Variants in PRKG1 observed in about 807,000 individuals in gnomAD.
PRKG1 encodes the protein cGMP-dependent protein kinase 1.
Under a neutral mutation model 88.1 loss-of-function variants are expected in PRKG1, and 35 were observed. That is an observed-to-expected ratio of 0.40 (90% CI 0.30 to 0.53). The LOEUF (loss-of-function observed/expected upper bound fraction) is 0.53, where lower values mean the gene tolerates loss of function less well. PRKG1 is among the 20% of genes least tolerant of loss of function. The pLI is 0.59. For synonymous variants in PRKG1, 303 were observed against 292.5 expected, an observed-to-expected ratio of 1.04 and a Z score of -0.37; for missense variants, 540 against 839.8, an observed-to-expected ratio of 0.64 and a Z score of 4.41.
chr10:51,209,305 C>T (rs1354014155), intron 2 of PRKG1, among the ~76,000 whole-genome samples: 1 of 152,152 alleles, frequency 6.6e-6, no homozygotes, highest in Admixed American at 6.6e-5. Context: ...AACTGACAAC[C>T]TCATCCAGTC....
In PRKG1 at chr10:51,074,665, C is replaced by A. The variant is rs776048746; in HGVS notation, c.75C>A (p.Ile25=). The A allele has an allele frequency of 1.4e-5, 22 of 1,613,956 alleles. 1 individual carries two copies. Among genetic ancestry groups the A allele is most frequent in the Middle Eastern group, 3.3e-4 (2 of 6,078 alleles). ...IEELRQRDAL[I]DELELELDQK... ...AGCTGAGGCAGCGGGATGCTCTCAT[C>A]GACGAGCTGGAGCTGGAGTTGGATC... is the stretch of plus-strand genomic sequence containing the variant. Residue 25 remains isoleucine (I), a synonymous_variant, in exon 1 of 18, where the codon ATC becomes ATA. Transcript: ENST00000373980.
At chr10:52,117,855 A>T (rs1055516910) in intron 7 of PRKG1, among the ~76,000 whole-genome samples, 1 of 152,030 alleles carries the variant, frequency 6.6e-6, no homozygotes, top group African/African-American at 2.4e-5. Context: ...ACATGGTTCT[A>T]TACCATGGCC....
chr10:52,174,691 T>G (rs1838808927), intron 9 of PRKG1, among the ~76,000 whole-genome samples: 1 of 151,968 alleles, frequency 6.6e-6, no homozygotes, highest in African/African-American at 2.4e-5. Flanking sequence ...TCATAAAAAT[T>G]AAGTAAAAAT....
At chr10:51,437,164 A>G (rs1564494429) in intron 2 of PRKG1, among the ~76,000 whole-genome samples, 1 of 152,018 alleles carries the variant, frequency 6.6e-6, no homozygotes, top group Non-Finnish European at 1.5e-5. Flanking sequence ...CATGGATTAA[A>G]TTAATGTAGT....
At chr10:52,259,632 C>T (rs1272350355) in intron 10 of PRKG1, among the ~76,000 whole-genome samples, 3 of 152,014 alleles carry the variant, frequency 2.0e-5, no homozygotes, top group African/African-American at 7.2e-5. Context: ...CTTTTGTGGG[C>T]CAGGTAGTTT....
At chr10:51,494,837 T>G (rs892572947) in intron 3 of PRKG1, among the ~76,000 whole-genome samples, 1 of 152,208 alleles carries the variant, frequency 6.6e-6, no homozygotes, top group Non-Finnish European at 1.5e-5. Flanking sequence ...ATTATGCTAT[T>G]TATTCTGTTC....
chr10:52,036,596 T>A (rs1438452195), intron 5 of PRKG1, among the ~76,000 whole-genome samples: 2 of 151,320 alleles, frequency 1.3e-5, no homozygotes, highest in East Asian at 3.9e-4. Flanking sequence ...AGTAGAGGTA[T>A]CTTATACTTG....
At chr10:51,701,803 C>T (rs1054298458) in intron 3 of PRKG1, among the ~76,000 whole-genome samples, 1 of 151,050 alleles carries the variant, frequency 6.6e-6, no homozygotes, top group African/African-American at 2.4e-5. Flanking sequence ...GATTGCACAT[C>T]TTGACAGAGT....
intron 1 of PRKG1, among the ~76,000 whole-genome samples, chr10:51,006,019 T>C (rs1022376706): frequency 1.3e-5 from 2 of 152,218 alleles, no homozygotes; most frequent in Non-Finnish European, 2.9e-5. Flanking sequence ...TTTCAAACTC[T>C]GAAGGCTGGA....
chr10:51,574,568 T>C (rs1837837971), intron 3 of PRKG1, among the ~76,000 whole-genome samples: 1 of 151,986 alleles, frequency 6.6e-6, no homozygotes, highest in African/African-American at 2.4e-5. Context: ...TAGATTCAAT[T>C]GCTCTAGAGT....
intron 5 of PRKG1, among the ~76,000 whole-genome samples, chr10:51,985,540 A>C (rs894784453): frequency 6.6e-6 from 1 of 152,228 alleles, no homozygotes; most frequent in East Asian, 1.9e-4. Flanking sequence ...TGCTTCTGTC[A>C]GCTCTTGGCA....
rs190448282 is a variant in PRKG1 at position 51,628,815 on chromosome 10, C to T, written c.592+160979C>T. ...TCTACTAAAAATACAAAAAATTAGCCGGGCGCGGTGGCGGGCGCCTGTGGT... is the reference window on the plus strand; with the variant it reads ...TCTACTAAAAATACAAAAAATTAGCTGGGCGCGGTGGCGGGCGCCTGTGGT... On this transcript the variant is annotated intron_variant, in intron 3 of 17. Transcript: ENST00000373980. Among the ~76,000 whole-genome samples, 222 of 151,614 alleles carry T rather than the reference C, an allele frequency of 1.5e-3. 2 individuals carry two copies. In the Middle Eastern group the frequency reaches 0.034, roughly 23 times the overall value.
intron 2 of PRKG1, among the ~76,000 whole-genome samples, chr10:51,207,678 G>A (rs563482249): frequency 3.9e-5 from 6 of 152,068 alleles, no homozygotes; most frequent in Non-Finnish European, 5.9e-5. Flanking sequence ...TGATCCAAAC[G>A]TTCCTTTAGA....
chr10:51,045,371 G>A (rs536945190), intron 1 of PRKG1, among the ~76,000 whole-genome samples: 1 of 151,774 alleles, frequency 6.6e-6, no homozygotes, highest in Non-Finnish European at 1.5e-5. Flanking sequence ...GCCCAGGCTG[G>A]AGTGCAGTGG....
chr10:51,722,912 T>C (rs1254320045), intron 3 of PRKG1, among the ~76,000 whole-genome samples: 1 of 152,228 alleles, frequency 6.6e-6, no homozygotes, highest in Non-Finnish European at 1.5e-5. Flanking sequence ...GGTAGAATTC[T>C]TCTGCCTACT....
intron 3 of PRKG1, among the ~76,000 whole-genome samples, chr10:51,638,549 A>T (rs1489949684): frequency 6.6e-6 from 1 of 152,224 alleles, no homozygotes; most frequent in Non-Finnish European, 1.5e-5. Flanking sequence ...GAGAAATAAG[A>T]CATTGATTCT....
intron 3 of PRKG1, among the ~76,000 whole-genome samples, chr10:51,574,085 A>G (rs2132173014): frequency 6.6e-6 from 1 of 152,060 alleles, no homozygotes; most frequent in South Asian, 2.1e-4. Context: ...AGGAATTCAA[A>G]AACACTTCTT....
chr10:51,832,887 G>A (rs1484809431), intron 4 of PRKG1, among the ~76,000 whole-genome samples: 1 of 152,092 alleles, frequency 6.6e-6, no homozygotes, highest in African/African-American at 2.4e-5. Flanking sequence ...CAGAGGAATA[G>A]GTGAAAAGTC....
chr10:51,879,564 G>A (rs1305831171), intron 4 of PRKG1, among the ~76,000 whole-genome samples: 10 of 152,204 alleles, frequency 6.6e-5, no homozygotes, highest in African/African-American at 2.4e-4. Flanking sequence ...TTTTACTCAA[G>A]TTCTGTAAGT....
Sources: gnomAD v4.1 joint callset for allele counts (sites outside exome capture counted in the v4.1 genomes callset) on GRCh38, gnomAD v4.1.1 for gene constraint, MANE v1.5 for transcripts, NCBI Gene and HGNC (gene_info 2026-07-23, HGNC 2026-07-21) for gene names.